The following KCNMA1 variants were observed in gnomAD, a reference collection of about 807,000 sequenced individuals.
KCNMA1 encodes Calcium-activated potassium channel subunit alpha-1.
A neutral mutation model predicts 140.0 loss-of-function variants in KCNMA1; 29 were observed. That is an observed-to-expected ratio of 0.21 (90% confidence interval 0.15 to 0.28). The LOEUF (loss-of-function observed/expected upper bound fraction) is 0.28. KCNMA1 is among the 10% of genes least tolerant of loss of function. The pLI, the probability that KCNMA1 is intolerant of heterozygous loss-of-function variation, is 1.00. For synonymous variants in KCNMA1, 612 were observed against 611.9 expected (o/e 1.00, Z 0.00); for missense variants, 880 against 1,602.2 (o/e 0.55, Z 7.70).
intron 3 of KCNMA1, among the ~76,000 whole-genome samples, chr10:77,196,126 C>T (rs1329559107): frequency 6.6e-6 from 1 of 152,074 alleles, no homozygotes; most frequent in Non-Finnish European, 1.5e-5. Context: ...CTTTGAACTT[C>T]TCTAGAGATG....
intron 1 of KCNMA1, among the ~76,000 whole-genome samples, chr10:77,412,457 G>A (rs2154477503): frequency 6.6e-6 from 1 of 152,270 alleles, no homozygotes; most frequent in Admixed American, 6.5e-5. Context: ...CAATGCAGAA[G>A]GGCTCCTTCT....
intron 22 of KCNMA1, chr10:76,948,868 G>C (rs1222228098): frequency 2.3e-5 from 12 of 518,694 alleles, no homozygotes; most frequent in Non-Finnish European, 4.2e-5. Context: ...AGGCAGGAGT[G>C]AGAGTGTTTA....
chr10:77,238,216 T>A (rs1367790385), intron 3 of KCNMA1, among the ~76,000 whole-genome samples: 1 of 152,200 alleles, frequency 6.6e-6, no homozygotes, highest in Non-Finnish European at 1.5e-5. Flanking sequence ...TACACTCACC[T>A]CTTCCTCTCC....
At chr10:77,026,188 T>C (rs1250832157) in intron 16 of KCNMA1, among the ~76,000 whole-genome samples, 2 of 152,146 alleles carry the variant, frequency 1.3e-5, no homozygotes, top group Non-Finnish European at 2.9e-5. Flanking sequence ...TTCGCTCTTT[T>C]TCTCTCCTTG....
At chr10:77,152,252 T>C (rs896255718) in intron 5 of KCNMA1, among the ~76,000 whole-genome samples, 5 of 147,740 alleles carry the variant, frequency 3.4e-5, no homozygotes, top group African/African-American at 1.3e-4. Flanking sequence ...CCATAACCTC[T>C]TGGAGACTCT....
At chr10:77,565,863 TC>T (rs1476943589) in intron 1 of KCNMA1, among the ~76,000 whole-genome samples, 1 of 151,070 alleles carries the variant, frequency 6.6e-6, no homozygotes, top group Non-Finnish European at 1.5e-5. Flanking sequence ...TCCCACCCCA[TC>T]CCCCTGAGAT....
intron 1 of KCNMA1, among the ~76,000 whole-genome samples, chr10:77,529,243 C>CA (rs1429440857): frequency 6.6e-6 from 1 of 151,876 alleles, no homozygotes. Context: ...TCTTTTTCCC[C>CA]CTGCACCACT....
chr10:77,467,913 G>A (rs2098065652), intron 1 of KCNMA1, among the ~76,000 whole-genome samples: 2 of 152,234 alleles, frequency 1.3e-5, no homozygotes, highest in Admixed American at 6.5e-5. Flanking sequence ...TCTCATTCTG[G>A]TAGTACACTA....
chr10:77,208,357 G>A (rs1433903170), intron 3 of KCNMA1, among the ~76,000 whole-genome samples: 1 of 152,176 alleles, frequency 6.6e-6, no homozygotes, highest in African/African-American at 2.4e-5. Flanking sequence ...AGGCATGGTG[G>A]CACATGCTTA....
chr10:76,928,672 G>T (rs943694023), intron 23 of KCNMA1, among the ~76,000 whole-genome samples: 3 of 152,122 alleles, frequency 2.0e-5, no homozygotes, highest in Non-Finnish European at 4.4e-5. Context: ...GATAAAGTAT[G>T]GCCCTCTTAT....
At chr10:77,304,891 G>T (rs1014615345) in intron 2 of KCNMA1, among the ~76,000 whole-genome samples, 2 of 152,206 alleles carry the variant, frequency 1.3e-5, no homozygotes, top group African/African-American at 4.8e-5. Flanking sequence ...AAAGAGGAAG[G>T]CTCCAGAGGT....
intron 1 of KCNMA1, among the ~76,000 whole-genome samples, chr10:77,498,339 C>T (rs1246345060): frequency 6.6e-6 from 1 of 152,220 alleles, no homozygotes; most frequent in Non-Finnish European, 1.5e-5. Context: ...CCCTGGGAAT[C>T]ACATGGCAGA....
chr10:77,429,669 T>G (rs1248921650), intron 1 of KCNMA1, among the ~76,000 whole-genome samples: 1 of 152,230 alleles, frequency 6.6e-6, no homozygotes, highest in Non-Finnish European at 1.5e-5. Context: ...AGAAGAACAC[T>G]ATTTAATTGT....
intron 1 of KCNMA1, chr10:77,636,434 C>T: frequency 6.5e-7 from 1 of 1,536,192 alleles, no homozygotes; most frequent in Non-Finnish European, 8.7e-7. Context: ...GAAGACGCTC[C>T]GCGTAAAACC....
intron 1 of KCNMA1, among the ~76,000 whole-genome samples, chr10:77,475,526 T>A (rs895877753): frequency 6.6e-6 from 1 of 152,140 alleles, no homozygotes; most frequent in East Asian, 1.9e-4. Context: ...CTTTCACCAA[T>A]ACAATCTCCC....
chr10:77,010,715 G>T (rs1168805461), intron 18 of KCNMA1, among the ~76,000 whole-genome samples: 1 of 151,838 alleles, frequency 6.6e-6, no homozygotes, highest in Non-Finnish European at 1.5e-5. Flanking sequence ...ATAGATGACT[G>T]GTTCTACATT....
intron 3 of KCNMA1, among the ~76,000 whole-genome samples, chr10:77,195,068 G>T (rs916870499): frequency 6.6e-6 from 1 of 152,074 alleles, no homozygotes; most frequent in Non-Finnish European, 1.5e-5. Context: ...TGTTGTTGTT[G>T]TTGAGGATTT....
intron 5 of KCNMA1, among the ~76,000 whole-genome samples, chr10:77,143,243 T>G (rs2098220584): frequency 6.6e-6 from 1 of 152,204 alleles, no homozygotes; most frequent in African/African-American, 2.4e-5. Flanking sequence ...AAATAGAGTT[T>G]ATCCCATGAG....
intron 6 of KCNMA1, 73 bp downstream of exon 6, chr10:77,120,900 A>G: frequency 1.2e-6 from 1 of 822,154 alleles, no homozygotes; most frequent in Non-Finnish European, 2.1e-6. Context: ...TTGTGATGAA[A>G]GCAAGCACAC....
Sources: gnomAD v4.1 joint callset for allele counts (sites outside exome capture counted in the v4.1 genomes callset) on GRCh38, gnomAD v4.1.1 for gene constraint, MANE v1.5 for transcripts, NCBI Gene and HGNC (gene_info 2026-07-23, HGNC 2026-07-21) for gene names.